The following CSMD1 variants were observed in gnomAD, a reference collection of about 807,000 sequenced individuals.
CSMD1 encodes CUB and sushi domain-containing protein 1.
Under a neutral mutation model 417.5 loss-of-function variants are expected in CSMD1, and 213 were observed. That is an observed-to-expected ratio of 0.51 (90% CI 0.46 to 0.57). The LOEUF (loss-of-function observed/expected upper bound fraction) is 0.57, where lower values mean the gene tolerates loss of function less well. CSMD1 is among the 20% of genes least tolerant of loss of function. The pLI is 0.00. For missense variants in CSMD1, 6,923 were observed against 4,529.7 expected (o/e 1.53, Z -15.17); for synonymous variants, 2,862 against 1,736.8 (o/e 1.65, Z -16.11).
At chr8:4,173,590 G>A (rs1251479534) in intron 3 of CSMD1, among the ~76,000 whole-genome samples, 1 of 152,026 alleles carries the variant, frequency 6.6e-6, no homozygotes, top group Admixed American at 6.6e-5. Flanking sequence ...ATGATTCGCT[G>A]GGTTTAAAAG....
chr8:3,307,803 A>G lies in CSMD1; in HGVS notation c.3842T>C (p.Ile1281Thr), dbSNP rs1487924229. Residue 1281 changes from isoleucine (I) to threonine (T), a missense_variant, in exon 25 of 70, where the codon ATC becomes ACC. Transcript: ENST00000635120. ...TATTCGTCCTGATGTGGCTGCATGG[A>G]TCTGACCACCACATTCCGCTGTAGA... ...PSCIAECGGQ[I>T]HAATSGRILS... 3 of 1,613,424 alleles carry G rather than the reference A, an allele frequency of 1.9e-6. No individual in the cohort carries two copies. Among genetic ancestry groups the G allele is most frequent in the Admixed American group, 3.3e-5 (2 of 59,960 alleles).
intron 10 of CSMD1, among the ~76,000 whole-genome samples, chr8:3,548,659 TACACACACACACACACACACACAC>T (rs146360407): frequency 2.3e-5 from 3 of 133,002 alleles, no homozygotes; most frequent in Non-Finnish European, 3.2e-5. Context: ...TATTCCATCA[TACACACACACACACACACACACAC>T]ACACACACAC....
intron 40 of CSMD1, among the ~76,000 whole-genome samples, chr8:3,145,136 A>C (rs1158384947): frequency 1.3e-5 from 2 of 152,176 alleles, no homozygotes; most frequent in East Asian, 3.9e-4. Flanking sequence ...TGTGCTCCAC[A>C]GAGTTTTATA....
chr8:4,722,600 C>G (rs895038187), intron 1 of CSMD1, among the ~76,000 whole-genome samples: 2 of 151,942 alleles, frequency 1.3e-5, no homozygotes, highest in Admixed American at 1.3e-4. Flanking sequence ...TTGGAGGAGC[C>G]CTGAACTACA....
At chr8:4,058,387 A>T (rs550013399) in intron 3 of CSMD1, among the ~76,000 whole-genome samples, 4 of 152,086 alleles carry the variant, frequency 2.6e-5, no homozygotes, top group Admixed American at 6.6e-5. Context: ...TTGATTTTGT[A>T]TCCTCAGACT....
At chr8:4,903,253 T>C (rs1375382504) in intron 1 of CSMD1, among the ~76,000 whole-genome samples, 1 of 152,192 alleles carries the variant, frequency 6.6e-6, no homozygotes, top group Admixed American at 6.5e-5. Context: ...ACTTAGTGTG[T>C]CATCTTCATT....
chr8:4,819,298 T>C (rs1799385653), intron 1 of CSMD1, among the ~76,000 whole-genome samples: 2 of 152,156 alleles, frequency 1.3e-5, no homozygotes, highest in Non-Finnish European at 2.9e-5. Flanking sequence ...GTTCATATGA[T>C]TTACCAATTG....
At chr8:4,702,333 G>C (rs1334052240) in intron 1 of CSMD1, among the ~76,000 whole-genome samples, 3 of 152,126 alleles carry the variant, frequency 2.0e-5, no homozygotes, top group East Asian at 1.9e-4. Flanking sequence ...GACTGGATTA[G>C]GAATCTTTGC....
chr8:4,725,397 C>G (rs1457229390), intron 1 of CSMD1, among the ~76,000 whole-genome samples: 1 of 152,104 alleles, frequency 6.6e-6, no homozygotes, highest in Non-Finnish European at 1.5e-5. Flanking sequence ...TGTGAAAGCG[C>G]AATAATATAA....
At chr8:4,601,697 G>A (rs1056912375) in intron 2 of CSMD1, among the ~76,000 whole-genome samples, 2 of 152,172 alleles carry the variant, frequency 1.3e-5, no homozygotes, top group African/African-American at 2.4e-5. Context: ...TGAGGGGATC[G>A]TGATCTCCAC....
chr8:4,985,168 C>T (rs561372985), intron 1 of CSMD1, among the ~76,000 whole-genome samples: 1 of 152,176 alleles, frequency 6.6e-6, no homozygotes, highest in South Asian at 2.1e-4. Context: ...GATGAGAACA[C>T]ATGGACACAT....
chr8:3,529,113 A>T (rs902134770), intron 10 of CSMD1, among the ~76,000 whole-genome samples: 3 of 152,224 alleles, frequency 2.0e-5, no homozygotes, highest in African/African-American at 7.2e-5. Context: ...AAAGTGAACT[A>T]ATCATTATTT....
At chr8:3,735,576 T>C (rs1201249965) in intron 6 of CSMD1, among the ~76,000 whole-genome samples, 2 of 152,218 alleles carry the variant, frequency 1.3e-5, no homozygotes, top group African/African-American at 4.8e-5. Context: ...CAGCATGACT[T>C]GCTTCAGTGT....
In CSMD1 at chr8:3,399,514, T is replaced by C. The variant is rs144228134; in HGVS notation, c.2282A>G (p.His761Arg). 1.3e-6 allele frequency: 2 copies of C among 1,599,388 alleles called. No individual in the cohort carries two copies. The highest frequency in any genetic ancestry group is 2.7e-5 in the African/African-American group (2 of 74,586). The change falls in exon 16 of 70, where the codon CAT becomes CGT. Residue 761 changes from histidine to arginine, a missense_variant. Coordinates refer to ENST00000635120, the MANE Select transcript of CSMD1 (RefSeq NM_033225.6). Reference protein sequence around the residue: ...VPRCEAPCGGHLTASSGVILP... With the variant: ...VPRCEAPCGGRLTASSGVILP... ...AATGACTCCGCTGGACGCTGTCAGATGTCCACCACATGGAGCTAAAACAAG... is the reference window on the plus strand; with the variant it reads ...AATGACTCCGCTGGACGCTGTCAGACGTCCACCACATGGAGCTAAAACAAG...
chr8:4,915,021 G>C (rs1457136830), intron 1 of CSMD1, among the ~76,000 whole-genome samples: 2 of 152,118 alleles, frequency 1.3e-5, no homozygotes, highest in Non-Finnish European at 2.9e-5. Flanking sequence ...ATTCATATTA[G>C]ATATGAGAAA....
chr8:3,824,848 A>G (rs540516544), intron 5 of CSMD1, among the ~76,000 whole-genome samples: 15 of 152,274 alleles, frequency 9.9e-5, no homozygotes, highest in African/African-American at 3.1e-4. Context: ...AAAATGACAC[A>G]GGGTTTCAAT....
chr8:3,186,734 T>C (rs1171408156), intron 36 of CSMD1, among the ~76,000 whole-genome samples: 1 of 152,182 alleles, frequency 6.6e-6, no homozygotes. Context: ...ACTGACAGAA[T>C]TCAGACAAAT....
intron 12 of CSMD1, among the ~76,000 whole-genome samples, chr8:3,460,809 C>T (rs1425394384): frequency 6.6e-6 from 1 of 152,182 alleles, no homozygotes; most frequent in African/African-American, 2.4e-5. Context: ...AATGATGCCG[C>T]ACTCTGGGTA....
chr8:4,623,092 T>G (rs1442341733), intron 2 of CSMD1, among the ~76,000 whole-genome samples: 1 of 152,152 alleles, frequency 6.6e-6, no homozygotes, highest in Non-Finnish European at 1.5e-5. Flanking sequence ...CTATAATACA[T>G]ATTTCAGTCA....
Sources: allele counts gnomAD v4.1 joint callset (sites outside exome capture counted in the v4.1 genomes callset), GRCh38; gene constraint gnomAD v4.1.1; transcripts MANE v1.5; gene names NCBI Gene and HGNC (gene_info 2026-07-23, HGNC 2026-07-21).